The following ME3 variants were observed in gnomAD, a reference collection of about 807,000 sequenced individuals.
The protein encoded by ME3 is NADP-dependent malic enzyme, mitochondrial.
ME3 carries 48 observed loss-of-function variants against 68.9 expected under a neutral mutation model. That is an observed-to-expected ratio of 0.70 (90% CI 0.55 to 0.89). The LOEUF (loss-of-function observed/expected upper bound fraction) is 0.89. Ranked by LOEUF, ME3 falls within the 40% of genes least tolerant of loss-of-function variation. The pLI is 0.00. For synonymous variants in ME3, 320 were observed against 318.8 expected (o/e 1.00, Z -0.04); for missense variants, 675 against 797.4 (o/e 0.85, Z 1.85).
chr11:86,525,430 G>C (rs762951306), intron 4 of ME3, among the ~76,000 whole-genome samples: 1 of 151,596 alleles, frequency 6.6e-6, no homozygotes, highest in Non-Finnish European at 1.5e-5. Context: ...AATGGCAGTA[G>C]TGAGTCCTTA....
At chr11:86,654,416 C>T (rs1339313626) in intron 2 of ME3, among the ~76,000 whole-genome samples, 2 of 152,158 alleles carry the variant, frequency 1.3e-5, no homozygotes, top group Non-Finnish European at 2.9e-5. Flanking sequence ...GTGGGCTTCA[C>T]CCCTGGGATG....
chr11:86,540,316 T>A (rs953256522), intron 4 of ME3, among the ~76,000 whole-genome samples: 2 of 152,220 alleles, frequency 1.3e-5, no homozygotes, highest in Non-Finnish European at 2.9e-5. Context: ...CTGCCACCAC[T>A]GGAACAGTGG....
intron 4 of ME3, among the ~76,000 whole-genome samples, chr11:86,555,763 G>A (rs868260196): frequency 1.2e-4 from 18 of 152,094 alleles, no homozygotes; most frequent in Admixed American, 8.5e-4. Context: ...CCCATAAAAC[G>A]CGTGATTTAC....
At chr11:86,444,607 C>T (rs1310720239) in intron 13 of ME3, among the ~76,000 whole-genome samples, 3 of 152,174 alleles carry the variant, frequency 2.0e-5, no homozygotes, top group South Asian at 4.2e-4. Flanking sequence ...TAGGCACTGG[C>T]AATGCTCTTC....
rs748108518 is a variant in ME3 at position 86,636,579 on chromosome 11, C to A, written c.183+35183G>T. Among the ~76,000 whole-genome samples, 10 of 152,322 alleles carry A rather than the reference C, an allele frequency of 6.6e-5. No individual in the cohort carries two copies. In the East Asian group the frequency reaches 7.7e-4, roughly 12 times the overall value. Reference sequence around the variant, plus strand: ...ATGCATAGCCCTCATTCCTGACTTACTCCTCTAACAACCTGGTGATGTTTC... The same window carrying A: ...ATGCATAGCCCTCATTCCTGACTTAATCCTCTAACAACCTGGTGATGTTTC... On this transcript the variant is annotated intron_variant, in intron 2 of 14. Coordinates refer to ENST00000543262, the Ensembl canonical transcript of ME3.
chr11:86,500,330 T>C (rs1038473207), intron 5 of ME3, among the ~76,000 whole-genome samples: 2 of 152,270 alleles, frequency 1.3e-5, no homozygotes, highest in Admixed American at 6.5e-5. Context: ...GACAGGGCTC[T>C]GTAGTGGCAC....
At chr11:86,657,869 A>G (rs929044741) in intron 2 of ME3, among the ~76,000 whole-genome samples, 4 of 152,230 alleles carry the variant, frequency 2.6e-5, no homozygotes, top group Admixed American at 2.6e-4. Flanking sequence ...CAGTGCCTAG[A>G]AGATAGCAGG....
At chr11:86,617,079 A>T (rs1425670823) in intron 2 of ME3, among the ~76,000 whole-genome samples, 4 of 33,750 alleles carry the variant, frequency 1.2e-4, no homozygotes, top group Non-Finnish European at 1.6e-4. Flanking sequence ...TTTTTTTTTT[A>T]AAGATGAAGA....
chr11:86,503,094 G>A (rs1298301311), intron 5 of ME3, among the ~76,000 whole-genome samples: 1 of 151,750 alleles, frequency 6.6e-6, no homozygotes, highest in Non-Finnish European at 1.5e-5. Flanking sequence ...CAAAAATAAT[G>A]CACACTTCTT....
intron 2 of ME3, among the ~76,000 whole-genome samples, chr11:86,594,396 A>G (rs1377393550): frequency 6.8e-6 from 1 of 146,280 alleles, no homozygotes; most frequent in African/African-American, 2.5e-5. Context: ...TTATCATCCA[A>G]AGTTGGTCTC....
chr11:86,566,929 G>T (rs1957510654), intron 2 of ME3, among the ~76,000 whole-genome samples: 1 of 152,020 alleles, frequency 6.6e-6, no homozygotes, highest in African/African-American at 2.4e-5. Context: ...GATAAAAAAA[G>T]AAGAGTGGCC....
intron 5 of ME3, among the ~76,000 whole-genome samples, chr11:86,506,087 T>C (rs1003612287): frequency 1.3e-5 from 2 of 152,104 alleles, no homozygotes; most frequent in African/African-American, 4.8e-5. Flanking sequence ...TCTTCCAGAG[T>C]AGATGTTTAC....
intron 2 of ME3, among the ~76,000 whole-genome samples, chr11:86,654,567 C>G (rs1317831743): frequency 1.3e-5 from 2 of 152,184 alleles, no homozygotes; most frequent in Non-Finnish European, 2.9e-5. Context: ...TGAAAACTCT[C>G]AATGAATTAG....
At chr11:86,477,853 C>T (rs1160519527) in intron 7 of ME3, among the ~76,000 whole-genome samples, 1 of 152,080 alleles carries the variant, frequency 6.6e-6, no homozygotes, top group Non-Finnish European at 1.5e-5. Flanking sequence ...TAGCCTGTGA[C>T]CCAGGACAGA....
intron 2 of ME3, among the ~76,000 whole-genome samples, chr11:86,625,741 A>G (rs1258580463): frequency 6.6e-6 from 1 of 152,188 alleles, no homozygotes; most frequent in Non-Finnish European, 1.5e-5. Context: ...ATTAATGTAA[A>G]ACTGAAATTA....
chr11:86,453,626 TTAAGTA>T (rs1301558602), intron 8 of ME3, among the ~76,000 whole-genome samples: 1 of 152,248 alleles, frequency 6.6e-6, no homozygotes, highest in African/African-American at 2.4e-5. Flanking sequence ...CAAGATTTTT[TTAAGTA>T]TAAGTATGTC....
At chr11:86,568,350 A>G (rs1264552271) in intron 2 of ME3, among the ~76,000 whole-genome samples, 6 of 152,194 alleles carry the variant, frequency 3.9e-5, no homozygotes, top group Non-Finnish European at 1.5e-5. Flanking sequence ...CAATGGGTTA[A>G]TGTCTGGAAT....
At chr11:86,471,076 TTC>T (rs1296194492) in intron 7 of ME3, among the ~76,000 whole-genome samples, 2 of 151,756 alleles carry the variant, frequency 1.3e-5, no homozygotes, top group African/African-American at 4.8e-5. Context: ...AAGCTGCTGG[TTC>T]TCTCTGTCTA....
chr11:86,515,842 T>G (rs1953861748), intron 4 of ME3, among the ~76,000 whole-genome samples: 1 of 152,162 alleles, frequency 6.6e-6, no homozygotes, highest in Non-Finnish European at 1.5e-5. Context: ...TAAAGTGGTA[T>G]TATCCTGCTC....
Sources: gnomAD v4.1 joint callset for allele counts (sites outside exome capture counted in the v4.1 genomes callset) on GRCh38, gnomAD v4.1.1 for gene constraint, MANE v1.5 for transcripts, NCBI Gene and HGNC (gene_info 2026-07-23, HGNC 2026-07-21) for gene names.